The following MARCHF6 variants were observed in gnomAD, a reference collection of about 807,000 sequenced individuals.
MARCHF6 encodes the protein E3 ubiquitin-protein ligase MARCHF6.
Under a neutral mutation model 133.7 loss-of-function variants are expected in MARCHF6, and 31 were observed. The observed-to-expected ratio is 0.23, with a 90% CI of 0.17 to 0.31. The LOEUF (loss-of-function observed/expected upper bound fraction) is 0.31. MARCHF6 is among the 10% of genes least tolerant of loss of function. The pLI is 1.00. For missense variants in MARCHF6, 723 were observed against 1,121.6 expected (o/e 0.64, Z 5.08); for synonymous variants, 395 against 402.5 (o/e 0.98, Z 0.22).
At chr5:10,391,761 C>T (rs544873824) in intron 7 of MARCHF6, 30 bp downstream of exon 7, 1 of 1,475,590 alleles carries the variant, frequency 6.8e-7, no homozygotes, top group African/African-American at 1.4e-5. Flanking sequence ...CCTCACTCTT[C>T]AGCACTGCAA....
chr5:10,426,568 C>T, intron 24 of MARCHF6, 46 bp downstream of exon 24: 4 of 1,599,380 alleles, frequency 2.5e-6, no homozygotes, highest in East Asian at 4.5e-5. Flanking sequence ...CTTTTATTAA[C>T]ATTGGACATT....
intron 10 of MARCHF6, among the ~76,000 whole-genome samples, chr5:10,397,857 C>T (rs971952585): frequency 2.6e-5 from 4 of 152,134 alleles, no homozygotes; most frequent in South Asian, 2.1e-4. Context: ...AGCACTTCTG[C>T]GAGGGCAGCT....
At chr5:10,402,972 A>C (rs894986140) in intron 14 of MARCHF6, among the ~76,000 whole-genome samples, 2 of 152,212 alleles carry the variant, frequency 1.3e-5, no homozygotes, top group African/African-American at 4.8e-5. Context: ...TGATTTAACT[A>C]ATATGCTCAG....
Position 10,423,738 on chromosome 5 carries a change from T to C in MARCHF6, c.2287T>C (p.Trp763Arg), listed in dbSNP as rs760329268. The change falls in exon 23 of 26, where the codon TGG (tryptophan) becomes CGG (arginine). Residue 763 changes from tryptophan (W) to arginine (R), a missense_variant. Coordinates refer to ENST00000274140, the MANE Select transcript of MARCHF6 (RefSeq NM_005885.4). ...TAAATGGTTTTTAATTCCCTAGGACTGGGCACTTGGAGTCCTGCATGCCAA... is the reference window on the plus strand; with the variant it reads ...TAAATGGTTTTTAATTCCCTAGGACCGGGCACTTGGAGTCCTGCATGCCAA... ...QTPLFYPWQD[W>R]ALGVLHAKII... The C allele has an allele frequency of 6.2e-7, 1 of 1,610,126 alleles. No homozygotes were observed. Among genetic ancestry groups the C allele is most frequent in the Non-Finnish European group, 8.5e-7 (1 of 1,176,744 alleles).
chr5:10,410,858 A>C (rs1417727672), intron 18 of MARCHF6, among the ~76,000 whole-genome samples: 1 of 152,162 alleles, frequency 6.6e-6, no homozygotes, highest in East Asian at 1.9e-4. Flanking sequence ...ACTGATTTAT[A>C]GCTTGGAGGT....
intron 3 of MARCHF6, among the ~76,000 whole-genome samples, chr5:10,379,831 C>T (rs537755991): frequency 1.3e-5 from 2 of 152,082 alleles, no homozygotes; most frequent in Non-Finnish European, 2.9e-5. Context: ...TTCTTGAACT[C>T]CTGGCCTCAA....
At chr5:10,429,854 T>G (rs776079107) in intron 24 of MARCHF6, 39 bp from the exon 25 acceptor site, 28 of 1,580,858 alleles carry the variant, frequency 1.8e-5, no homozygotes, top group Non-Finnish European at 1.9e-5. Flanking sequence ...TCACTGTTAT[T>G]TCACATACAC....
intron 1 of MARCHF6, among the ~76,000 whole-genome samples, chr5:10,375,871 G>A (rs1036441365): frequency 1.3e-5 from 2 of 152,184 alleles, no homozygotes; most frequent in African/African-American, 2.4e-5. Context: ...CTCAAGGTTT[G>A]TGAGTGCACC....
chr5:10,430,143 G>T (rs573901929), intron 25 of MARCHF6, 115 bp downstream of exon 25: 2 of 1,245,550 alleles, frequency 1.6e-6, no homozygotes, highest in African/African-American at 1.5e-5. Flanking sequence ...ATACTTGGAG[G>T]TGGGATTAGC....
intron 17 of MARCHF6, among the ~76,000 whole-genome samples, chr5:10,408,676 C>A (rs1237814385): frequency 6.6e-6 from 1 of 152,174 alleles, no homozygotes; most frequent in East Asian, 1.9e-4. Flanking sequence ...GTAGCTGAGA[C>A]TACAGGCGCA....
intron 17 of MARCHF6, among the ~76,000 whole-genome samples, chr5:10,407,997 A>AC (rs903979791): frequency 1.8e-4 from 24 of 133,258 alleles, no homozygotes; most frequent in Non-Finnish European, 3.0e-4. Flanking sequence ...ACCTCCCACT[A>AC]CCAGTAATCT....
chr5:10,399,673 C>T (rs924331671), intron 10 of MARCHF6, among the ~76,000 whole-genome samples: 1 of 152,114 alleles, frequency 6.6e-6, no homozygotes, highest in African/African-American at 2.4e-5. Flanking sequence ...TCCTAATAAT[C>T]CATCATATTC....
At chr5:10,397,230 A>G in intron 9 of MARCHF6, 63 bp from the exon 10 acceptor site, 1 of 1,187,774 alleles carries the variant, frequency 8.4e-7, no homozygotes, top group Non-Finnish European at 1.2e-6. Flanking sequence ...TAAGTGGAAT[A>G]GTCCAATTAA....
intron 1 of MARCHF6, among the ~76,000 whole-genome samples, chr5:10,372,616 C>T (rs927063563): frequency 2.0e-5 from 3 of 152,098 alleles, no homozygotes; most frequent in African/African-American, 7.2e-5. Context: ...ACTTGTTCTT[C>T]CTCTTGACGA....
chr5:10,366,875 C>T (rs1048012941), intron 1 of MARCHF6, among the ~76,000 whole-genome samples: 7 of 152,156 alleles, frequency 4.6e-5, no homozygotes, highest in South Asian at 2.1e-4. Context: ...CAACATTCTG[C>T]GTTTATGAGA....
chr5:10,372,931 C>T (rs1192909731), intron 1 of MARCHF6, among the ~76,000 whole-genome samples: 4 of 152,012 alleles, frequency 2.6e-5, no homozygotes, highest in African/African-American at 7.3e-5. Flanking sequence ...CATGGTGGCT[C>T]ATGCCTGTAA....
chr5:10,400,099 T>A (rs1304016722), intron 10 of MARCHF6, among the ~76,000 whole-genome samples: 1 of 152,186 alleles, frequency 6.6e-6, no homozygotes, highest in African/African-American at 2.4e-5. Context: ...TCCACTTTTA[T>A]CACTGGATTC....
intron 11 of MARCHF6, 31 bp downstream of exon 11, chr5:10,400,873 C>G: frequency 1.4e-6 from 2 of 1,463,698 alleles, no homozygotes; most frequent in South Asian, 2.3e-5. Flanking sequence ...AAGTTACTTT[C>G]ATTCATTACT....
Position 10,437,335 on chromosome 5 carries a change from G to A in MARCHF6, c.*3651G>A. On this transcript the variant is annotated 3_prime_UTR_variant, in exon 26 of 26. Transcript: ENST00000274140. ...CATCAAAAAAAAACCCAACTAAAAT[G>A]TCTTACCAGTAAAGTATTATTAAAA... 6.6e-6 allele frequency: 1 copy of A among 152,064 alleles called. No individual in the cohort carries two copies. The highest frequency in any genetic ancestry group is 1.9e-4 in the East Asian group (1 of 5,200). 9.4% of individuals were successfully genotyped at this position (152,064 alleles called of 1,614,324 possible). A position where few individuals can be genotyped will look rare whatever the true frequency, so the allele number is the denominator to read the frequency against.
Sources: allele counts gnomAD v4.1 joint callset (sites outside exome capture counted in the v4.1 genomes callset), GRCh38; gene constraint gnomAD v4.1.1; transcripts MANE v1.5; gene names NCBI Gene and HGNC (gene_info 2026-07-23, HGNC 2026-07-21).